Variants in CIMAP1C observed in about 807,000 individuals in gnomAD.
CIMAP1C encodes outer dense fiber of sperm tails 3 like 1.
chr15:75,725,132 G>A, the CIMAP1C span: 16 of 1,614,014 alleles, frequency 9.9e-6, no homozygotes, highest in East Asian at 1.6e-4. Flanking sequence ...AAGTACCTCC[G>A]GCCATCCTGC....
At chr15:75,725,076 C>A in the CIMAP1C span, 1 of 1,511,624 alleles carries the variant, frequency 6.6e-7, no homozygotes, top group Non-Finnish European at 9.2e-7. Context: ...CTGGTGGGCC[C>A]AGGCTGAGGG....
the CIMAP1C span, among the ~76,000 whole-genome samples, chr15:75,726,448 A>C: frequency 1.3e-5 from 2 of 152,134 alleles, no homozygotes; most frequent in Non-Finnish European, 2.9e-5. Context: ...GACTGTAGTG[A>C]TCTCAGAATG....
chr15:75,724,113 G>T, the CIMAP1C span: 3 of 826,552 alleles, frequency 3.6e-6, no homozygotes, highest in East Asian at 5.0e-5. Flanking sequence ...GTGGGGGATG[G>T]GGGGGTCTCA....
At chr15:75,726,604 A>C in the CIMAP1C span, among the ~76,000 whole-genome samples, 1 of 152,020 alleles carries the variant, frequency 6.6e-6, no homozygotes, top group South Asian at 2.1e-4. Context: ...GGCCTAAGTG[A>C]CCATCTTATT....
the CIMAP1C span, chr15:75,727,532 C>A: frequency 1.3e-6 from 2 of 1,579,584 alleles, no homozygotes; most frequent in South Asian, 1.1e-5. Context: ...CATCGACATT[C>A]GTGACTGAGG....
chr15:75,726,055 C>A, the CIMAP1C span: 243 of 1,607,664 alleles, frequency 1.5e-4, 5 homozygotes, highest in South Asian at 2.3e-3. Flanking sequence ...GGTTGCCCTG[C>A]AGGGATGGTG....
chr15:75,727,151 C>T, the CIMAP1C span: 55 of 1,614,094 alleles, frequency 3.4e-5, no homozygotes, highest in East Asian at 4.5e-5. Context: ...GTTTGGCTAC[C>T]GGCGCCCATA....
At chr15:75,727,685 T>G in the CIMAP1C span, 1 of 869,286 alleles carries the variant, frequency 1.2e-6, no homozygotes. Context: ...TACATTTTCA[T>G]GTATTTGTTT....
the CIMAP1C span, chr15:75,727,544 C>T: frequency 6.4e-7 from 1 of 1,569,606 alleles, no homozygotes; most frequent in Non-Finnish European, 8.7e-7. Flanking sequence ...TGACTGAGGC[C>T]CCTCTTGGGG....
At chr15:75,724,094 G>C in the CIMAP1C span, 2 of 723,896 alleles carry the variant, frequency 2.8e-6, no homozygotes, top group Non-Finnish European at 4.9e-6. Context: ...AGCTTCCTCC[G>C]TGTCTGGGGT....
chr15:75,726,050 C>T, the CIMAP1C span: 2 of 1,600,264 alleles, frequency 1.2e-6, no homozygotes, highest in Non-Finnish European at 1.7e-6. Flanking sequence ...TCCTTGGTTG[C>T]CCTGCAGGGA....
At chr15:75,724,577 C>G in the CIMAP1C span, among the ~76,000 whole-genome samples, 2 of 152,204 alleles carry the variant, frequency 1.3e-5, no homozygotes, top group East Asian at 3.8e-4. Context: ...CCTCACTTCC[C>G]TTCAATTTTA....
the CIMAP1C span, chr15:75,726,034 G>C: frequency 1.3e-6 from 2 of 1,536,980 alleles, no homozygotes; most frequent in African/African-American, 1.4e-5. Context: ...GGCTGACCAG[G>C]CCCTCTCCTT....
At chr15:75,727,093 C>T in the CIMAP1C span, 1 of 1,613,788 alleles carries the variant, frequency 6.2e-7, no homozygotes, top group South Asian at 1.1e-5. Context: ...GCCAGTACTA[C>T]TTTGAGAAGA....
the CIMAP1C span, chr15:75,727,110 C>A: frequency 6.2e-7 from 1 of 1,613,956 alleles, no homozygotes; most frequent in Non-Finnish European, 8.5e-7. Flanking sequence ...AAGATCCACC[C>A]ACCGGGGGAA....
chr15:75,726,765 G>A, the CIMAP1C span, among the ~76,000 whole-genome samples: 2 of 152,064 alleles, frequency 1.3e-5, no homozygotes, highest in South Asian at 2.1e-4. Flanking sequence ...ACAGGTGCAC[G>A]CCACCACGCC....
chr15:75,727,615 A>G, the CIMAP1C span: 1 of 1,434,782 alleles, frequency 7.0e-7, no homozygotes, highest in East Asian at 2.3e-5. Flanking sequence ...AATTTGACCA[A>G]GATTTCTAGT....
the CIMAP1C span, chr15:75,727,494 A>G: frequency 1.2e-6 from 2 of 1,610,284 alleles, no homozygotes; most frequent in African/African-American, 2.7e-5. Flanking sequence ...ATGGGCATCA[A>G]GCACTCACTC....
the CIMAP1C span, chr15:75,725,358 G>A: frequency 1.5e-6 from 1 of 674,446 alleles, no homozygotes; most frequent in Non-Finnish European, 2.6e-6. Context: ...GAAGCCAGCG[G>A]GGATTGAGGG....
Sources: allele counts gnomAD v4.1 joint callset (sites outside exome capture counted in the v4.1 genomes callset), GRCh38; gene constraint gnomAD v4.1.1; transcripts MANE v1.5; gene names NCBI Gene and HGNC (gene_info 2026-07-23, HGNC 2026-07-21).